SNX14: variants seen among roughly 807,000 people sequenced by gnomAD.
SNX14 encodes sorting nexin 14.
In SNX14, 93 loss-of-function variants were observed where a neutral mutation model predicts 133.8. That is an observed-to-expected ratio of 0.70 (90% confidence interval 0.59 to 0.83). The LOEUF is 0.83. Ranked by LOEUF, SNX14 falls within the 40% of genes least tolerant of loss-of-function variation. The probability of loss-of-function intolerance (pLI) is 0.00; values close to 1 mark genes in which losing one functional copy is unlikely to be tolerated. For missense variants in SNX14, 945 were observed against 1,094.9 expected (o/e 0.86, Z 1.93); for synonymous variants, 368 against 365.6 (o/e 1.01, Z -0.07).
intron 16 of SNX14, 95 bp downstream of exon 16, chr6:85,538,743 G>A (rs934057475): frequency 1.1e-4 from 115 of 1,064,728 alleles, no homozygotes; most frequent in African/African-American, 1.7e-4. Flanking sequence ...ATACCACAGT[G>A]TTCCATTTTT....
At chr6:85,519,907 G>A (rs185362915) in intron 21 of SNX14, among the ~76,000 whole-genome samples, 16 of 152,084 alleles carry the variant, frequency 1.1e-4, no homozygotes, top group Admixed American at 3.9e-4. Context: ...AACTATGATT[G>A]TGCCACTGCA....
intron 7 of SNX14, among the ~76,000 whole-genome samples, chr6:85,554,023 T>C (rs1319362130): frequency 6.6e-6 from 1 of 152,048 alleles, no homozygotes; most frequent in African/African-American, 2.4e-5. Flanking sequence ...GAAAACACCT[T>C]AACGGGGAAT....
At chr6:85,592,441 G>C (rs920532530) in intron 1 of SNX14, among the ~76,000 whole-genome samples, 2 of 152,206 alleles carry the variant, frequency 1.3e-5, no homozygotes, top group African/African-American at 4.8e-5. Flanking sequence ...AAAACAGCTT[G>C]CGGATGCTGT....
intron 16 of SNX14, 123 bp from the exon 17 acceptor site, chr6:85,537,047 A>C (rs909633833): frequency 9.7e-7 from 1 of 1,035,536 alleles, no homozygotes; most frequent in Admixed American, 3.0e-5. Context: ...GGTATAGCTA[A>C]CATAACTTTT....
At chr6:85,518,273 G>A (rs1468263366) in intron 21 of SNX14, among the ~76,000 whole-genome samples, 1 of 152,158 alleles carries the variant, frequency 6.6e-6, no homozygotes, top group African/African-American at 2.4e-5. Flanking sequence ...ATCCAGTGAG[G>A]TAAGTGGTGG....
intron 6 of SNX14, among the ~76,000 whole-genome samples, chr6:85,562,454 G>A (rs115164141): frequency 0.014 from 2,099 of 152,072 alleles, 38 homozygotes; most frequent in African/African-American, 0.037. Context: ...GTTCATGGCC[G>A]TGTAGAATTC....
In SNX14 at chr6:85,549,888, A is replaced by T; in HGVS notation, c.635-9T>A. The T allele has an allele frequency of 6.3e-7, 1 of 1,586,176 alleles. No individual in the cohort carries two copies. The highest frequency in any genetic ancestry group is 1.2e-5 in the South Asian group (1 of 86,560). On this transcript the variant is annotated splice_polypyrimidine_tract_variant and intron_variant, in intron 7 of 28. Transcript: ENST00000314673. ...AAACTCTGTATTTTTTACTATAGAG[A>T]TTAAAGATAAATATTGAAACAAGTT...
At chr6:85,576,698 G>A (rs1182016859) in intron 1 of SNX14, among the ~76,000 whole-genome samples, 2 of 152,190 alleles carry the variant, frequency 1.3e-5, no homozygotes, top group Non-Finnish European at 2.9e-5. Context: ...AGTATTGGCA[G>A]TATTCCAAAT....
Position 85,507,219 on chromosome 6 carries a change from T to C in SNX14, c.2802+14A>G. ...TTAAGAAAATCATGAATAAAATTACTGCTTTTCAGTTACCTTATTGAGCTC... is the reference window on the plus strand; with the variant it reads ...TTAAGAAAATCATGAATAAAATTACCGCTTTTCAGTTACCTTATTGAGCTC... On this transcript the variant is annotated intron_variant, in intron 28 of 28. Transcript: ENST00000314673. The C allele has an allele frequency of 6.2e-7, 1 of 1,603,568 alleles. No homozygotes were observed.
At chr6:85,520,716 G>A (rs933342478) in intron 21 of SNX14, among the ~76,000 whole-genome samples, 1 of 152,090 alleles carries the variant, frequency 6.6e-6, no homozygotes, top group African/African-American at 2.4e-5. Context: ...CTGTTTTGAT[G>A]TTTATGTAAA....
At position 85,572,308 on chromosome 6, in the gene SNX14, T is replaced by C. The variant is rs145124112; in HGVS notation, c.328A>G (p.Lys110Glu). 812 of 1,613,586 alleles carry C rather than the reference T, an allele frequency of 5.0e-4. 1 individual carries two copies. The highest frequency in any genetic ancestry group is 6.5e-4 in the Non-Finnish European group (768 of 1,179,740). Residue 110 changes from lysine (K) to glutamate (E), a missense_variant, in exon 3 of 29, where the codon AAA (lysine) becomes GAA (glutamate). Physicochemically the swap from Lys to Glu is moderately conservative, Grantham distance 56. This residue lies in a region of SNX14 where 514 missense variants were observed against 538.8 expected (regional missense o/e 0.95). Coordinates refer to ENST00000314673, the MANE Select transcript of SNX14 (RefSeq NM_153816.6). ...AAATATTTAACTTACCTATGTCGTT[T>C]ACATTTCACTTTACCACAAACAGCA... ...SCAVCGKVKC[K>E]RHRPSLLLEN...
intron 4 of SNX14, among the ~76,000 whole-genome samples, chr6:85,569,330 C>T (rs1181234287): frequency 6.6e-6 from 1 of 152,220 alleles, no homozygotes; most frequent in African/African-American, 2.4e-5. Flanking sequence ...AGCTCACTCC[C>T]TTCCATCCTA....
intron 17 of SNX14, among the ~76,000 whole-genome samples, chr6:85,534,100 G>A (rs965766763): frequency 2.0e-5 from 3 of 152,138 alleles, no homozygotes; most frequent in Non-Finnish European, 4.4e-5. Context: ...TTGGGCCCAG[G>A]AGTTTGAGAC....
At chr6:85,585,944 T>C (rs1800684300) in intron 1 of SNX14, among the ~76,000 whole-genome samples, 1 of 146,270 alleles carries the variant, frequency 6.8e-6, no homozygotes, top group Non-Finnish European at 1.5e-5. Flanking sequence ...TGCAATGGAA[T>C]GTACATGGCA....
chr6:85,569,037 C>A (rs60965098), intron 4 of SNX14, among the ~76,000 whole-genome samples: 390 of 151,818 alleles, frequency 2.6e-3, no homozygotes, highest in Non-Finnish European at 3.5e-3. Flanking sequence ...GCAATCTTGG[C>A]TCACCTCAAC....
chr6:85,580,752 G>A lies in SNX14; in HGVS notation c.141-6374C>T, dbSNP rs1413391720. 2.0e-5 allele frequency among the ~76,000 whole-genome samples: 3 copies of A among 152,172 alleles called. No homozygotes were observed. In the South Asian group the frequency reaches 6.2e-4, roughly 32 times the overall value. On this transcript the variant is annotated intron_variant, in intron 1 of 28. Coordinates refer to ENST00000314673, the MANE Select transcript of SNX14 (RefSeq NM_153816.6). ...ATGGGCTTATGGTGGTAGTTGACAC[G>A]GAGAGAGGCTCTTTTGCCTGGGGAA...
intron 1 of SNX14, among the ~76,000 whole-genome samples, chr6:85,582,629 A>G (rs1799401228): frequency 1.3e-5 from 2 of 152,168 alleles, no homozygotes; most frequent in African/African-American, 2.4e-5. Flanking sequence ...ACAAACTACT[A>G]TCAGAGAATA....
Position 85,562,582 on chromosome 6 carries a change from C to CTTTT in SNX14, c.549+2746_549+2749dup, listed in dbSNP as rs201175458. Among the ~76,000 whole-genome samples the CTTTT allele has an allele frequency of 2.1e-3, 199 of 94,852 alleles. 1 individual carries two copies. Among genetic ancestry groups the CTTTT allele is most frequent in the African/African-American group, 2.7e-3 (65 of 23,972 alleles). 62.2% of individuals were successfully genotyped at this position (94,852 alleles called of 152,430 possible). A position where few individuals can be genotyped will look rare whatever the true frequency, so the allele number is the denominator to read the frequency against. On this transcript the variant is annotated intron_variant, in intron 6 of 28. Transcript: ENST00000314673. ...TAAATCTTTGAACATACTTTTTGGG[C>CTTTT]TTTTTTTTTTTTTTTTTTTTTTGAG...
intron 16 of SNX14, among the ~76,000 whole-genome samples, chr6:85,537,880 T>C (rs972336577): frequency 8.5e-5 from 13 of 152,090 alleles, no homozygotes; most frequent in South Asian, 2.1e-4. Flanking sequence ...ACCCGCAAGA[T>C]TGCACCACTG....
Sources: allele counts gnomAD v4.1 joint callset (sites outside exome capture counted in the v4.1 genomes callset), GRCh38; gene constraint gnomAD v4.1.1; regional missense constraint gnomAD v4.1.1; transcripts MANE v1.5; gene names NCBI Gene and HGNC (gene_info 2026-07-23, HGNC 2026-07-21).